Variants in LUZP2 observed in about 807,000 individuals in gnomAD.
LUZP2 encodes the protein leucine zipper protein 2.
A neutral mutation model predicts 51.6 loss-of-function variants in LUZP2; 52 were observed. That is an observed-to-expected ratio of 1.01 (90% CI 0.81 to 1.27). The LOEUF (loss-of-function observed/expected upper bound fraction) is 1.27, where lower values mean the gene tolerates loss of function less well. Ranked by LOEUF, LUZP2 falls within the 50% of genes most tolerant of loss-of-function variation. LUZP2 has a pLI of 0.00. For synonymous variants in LUZP2, 154 were observed against 137.3 expected, an observed-to-expected ratio of 1.12 and a Z score of -0.85; for missense variants, 436 against 395.4, an observed-to-expected ratio of 1.10 and a Z score of -0.87.
intron 5 of LUZP2, among the ~76,000 whole-genome samples, chr11:24,877,193 G>A (rs577748504): frequency 6.6e-6 from 1 of 152,212 alleles, no homozygotes; most frequent in South Asian, 2.1e-4. Context: ...AAGATTGTTA[G>A]GAGAAGTACA....
At chr11:24,621,946 T>C (rs1055871931) in intron 1 of LUZP2, among the ~76,000 whole-genome samples, 12 of 148,384 alleles carry the variant, frequency 8.1e-5, no homozygotes, top group African/African-American at 3.1e-4. Flanking sequence ...AAACACTCCT[T>C]TCCACATACA....
intron 9 of LUZP2, among the ~76,000 whole-genome samples, chr11:25,023,798 G>C (rs982701296): frequency 3.9e-5 from 6 of 152,112 alleles, no homozygotes; most frequent in Non-Finnish European, 1.5e-5. Context: ...TCTACACACT[G>C]CTTTAAATGT....
intron 7 of LUZP2, among the ~76,000 whole-genome samples, chr11:24,921,895 T>G (rs750020547): frequency 6.6e-6 from 1 of 152,168 alleles, no homozygotes; most frequent in African/African-American, 2.4e-5. Context: ...TCACTTCATT[T>G]GACCCTCAAC....
intron 1 of LUZP2, among the ~76,000 whole-genome samples, chr11:24,579,948 T>C (rs1237490867): frequency 6.6e-6 from 1 of 152,126 alleles, no homozygotes; most frequent in African/African-American, 2.4e-5. Context: ...ACTATGTTCA[T>C]GGAATTTACC....
intron 5 of LUZP2, among the ~76,000 whole-genome samples, chr11:24,880,882 G>A (rs1234777218): frequency 6.6e-6 from 1 of 152,022 alleles, no homozygotes; most frequent in Non-Finnish European, 1.5e-5. Flanking sequence ...TCTTCCCTCT[G>A]GCACTATTGC....
At chr11:24,826,993 C>A (rs1850562768) in intron 5 of LUZP2, among the ~76,000 whole-genome samples, 2 of 152,068 alleles carry the variant, frequency 1.3e-5, no homozygotes, top group Middle Eastern at 3.4e-3. Context: ...TCATAGAATC[C>A]TTTTCAATAA....
chr11:24,578,754 G>T (rs951655031), intron 1 of LUZP2, among the ~76,000 whole-genome samples: 3 of 152,012 alleles, frequency 2.0e-5, no homozygotes, highest in African/African-American at 7.2e-5. Flanking sequence ...CATAGAGACA[G>T]AAACAATAGA....
chr11:24,772,048 G>C (rs11028158), intron 5 of LUZP2, among the ~76,000 whole-genome samples: 12,175 of 152,158 alleles, frequency 0.08, 1,045 homozygotes, highest in African/African-American at 0.22. Flanking sequence ...TCATAGGAAT[G>C]CTTAAAGACC....
At chr11:25,001,222 G>T (rs1856673598) in intron 9 of LUZP2, among the ~76,000 whole-genome samples, 1 of 152,132 alleles carries the variant, frequency 6.6e-6, no homozygotes, top group African/African-American at 2.4e-5. Flanking sequence ...TGGTATAGAT[G>T]GCTCCTTCCT....
At chr11:24,938,715 C>G (rs1334071943) in intron 7 of LUZP2, among the ~76,000 whole-genome samples, 1 of 151,950 alleles carries the variant, frequency 6.6e-6, no homozygotes, top group Non-Finnish European at 1.5e-5. Context: ...TATTTGAACC[C>G]TTTTATTTGC....
intron 1 of LUZP2, among the ~76,000 whole-genome samples, chr11:24,645,507 C>A (rs1855436439): frequency 6.6e-6 from 1 of 152,034 alleles, no homozygotes; most frequent in Non-Finnish European, 1.5e-5. Flanking sequence ...AATGGGGAAA[C>A]CTCTAACTCA....
At chr11:24,510,336 C>A (rs1850272537) in intron 1 of LUZP2, among the ~76,000 whole-genome samples, 2 of 152,230 alleles carry the variant, frequency 1.3e-5, no homozygotes, top group South Asian at 2.1e-4. Flanking sequence ...GGTGCCTATG[C>A]AATGTTTGGC....
intron 5 of LUZP2, among the ~76,000 whole-genome samples, chr11:24,877,778 G>T (rs996430595): frequency 3.3e-5 from 5 of 152,002 alleles, no homozygotes; most frequent in African/African-American, 1.2e-4. Flanking sequence ...TCAGGCTGTG[G>T]TAAGCATCCT....
chr11:25,076,051 A>G (rs2134061579), intron 10 of LUZP2, among the ~76,000 whole-genome samples: 1 of 152,044 alleles, frequency 6.6e-6, no homozygotes, highest in Middle Eastern at 3.4e-3. Context: ...CTCACTCTGT[A>G]GCCTAGGTTG....
At chr11:24,978,168 T>C (rs556833922) in intron 8 of LUZP2, among the ~76,000 whole-genome samples, 16 of 151,852 alleles carry the variant, frequency 1.1e-4, no homozygotes, top group Non-Finnish European at 1.9e-4. Flanking sequence ...AGATCAAGTA[T>C]AATTTGTCTT....
intron 9 of LUZP2, among the ~76,000 whole-genome samples, chr11:25,006,451 G>A (rs1252586420): frequency 6.6e-6 from 1 of 152,130 alleles, no homozygotes; most frequent in Non-Finnish European, 1.5e-5. Context: ...CCTTGGCTCA[G>A]CCTAGAAGTA....
intron 10 of LUZP2, among the ~76,000 whole-genome samples, chr11:25,050,363 A>G (rs2403999): frequency 0.037 from 4,682 of 125,212 alleles, 105 homozygotes; most frequent in Non-Finnish European, 0.05. Flanking sequence ...GTGCAGTGGC[A>G]CAATCTCGGC....
At chr11:24,890,447 A>C (rs1049318422) in intron 5 of LUZP2, among the ~76,000 whole-genome samples, 5 of 152,198 alleles carry the variant, frequency 3.3e-5, no homozygotes, top group Admixed American at 1.3e-4. Context: ...CAATCTCTTA[A>C]ACAAGTGGAA....
At chr11:24,630,443 G>T (rs1854839083) in intron 1 of LUZP2, among the ~76,000 whole-genome samples, 1 of 151,926 alleles carries the variant, frequency 6.6e-6, no homozygotes, top group Non-Finnish European at 1.5e-5. Context: ...TATTACAAAG[G>T]GTGTCTTTTC....
Sources: gnomAD v4.1 joint callset for allele counts (sites outside exome capture counted in the v4.1 genomes callset) on GRCh38, gnomAD v4.1.1 for gene constraint, MANE v1.5 for transcripts, NCBI Gene and HGNC (gene_info 2026-07-23, HGNC 2026-07-21) for gene names.